Variants in ARL6 observed in about 807,000 individuals in gnomAD.
ARL6 encodes ARF like GTPase 6.
A neutral mutation model predicts 27.1 loss-of-function variants in ARL6; 18 were observed. The ratio of observed to expected loss-of-function variants is 0.66; its 90% CI spans 0.46 to 0.98. The LOEUF (loss-of-function observed/expected upper bound fraction) is 0.98, where lower values mean the gene tolerates loss of function less well. Among genes scored for constraint, ARL6 ranks in the 50% least tolerant of loss-of-function variants. The probability of loss-of-function intolerance (pLI) is 0.00; values close to 1 mark genes in which losing one functional copy is unlikely to be tolerated. For missense variants in ARL6, 187 were observed against 214.9 expected (o/e 0.87, Z 0.81); for synonymous variants, 65 against 72.3 (o/e 0.90, Z 0.51).
chr3:97,765,812 C>T (rs1415627930), intron 1 of ARL6, among the ~76,000 whole-genome samples: 5 of 152,210 alleles, frequency 3.3e-5, no homozygotes, highest in Admixed American at 6.5e-5. Context: ...AGTTGTGTCT[C>T]TCGCTGCACA....
chr3:97,787,150 G>A (rs2037497248), intron 5 of ARL6, among the ~76,000 whole-genome samples: 1 of 152,056 alleles, frequency 6.6e-6, no homozygotes, highest in African/African-American at 2.4e-5. Flanking sequence ...ATTGGTAACA[G>A]GTATCTCAGT....
chr3:97,764,703 A>T (rs1157542671), upstream of ARL6: 2 of 152,332 alleles, frequency 1.3e-5, no homozygotes, highest in Non-Finnish European at 2.9e-5. Context: ...ACCCCCGGGG[A>T]GGCGTGGCTT....
At chr3:97,776,266 G>A (rs917554345) in intron 2 of ARL6, among the ~76,000 whole-genome samples, 3 of 152,062 alleles carry the variant, frequency 2.0e-5, no homozygotes, top group Admixed American at 1.3e-4. Flanking sequence ...CTTGCTGTTT[G>A]TTGGTTTTCA....
At chr3:97,792,778 G>T (rs893713998) in intron 7 of ARL6, among the ~76,000 whole-genome samples, 5 of 152,124 alleles carry the variant, frequency 3.3e-5, no homozygotes, top group Non-Finnish European at 7.3e-5. Flanking sequence ...AAGCTCATAG[G>T]TTCTTATTGC....
At chr3:97,765,208 G>T (rs569875656) in intron 1 of ARL6, among the ~76,000 whole-genome samples, 286 of 60,596 alleles carry the variant, frequency 4.7e-3, no homozygotes, top group African/African-American at 0.016. Context: ...CCCGTGTATT[G>T]GGGGTGTGTG....
intron 2 of ARL6, 66 bp downstream of exon 2, chr3:97,768,296 T>C: frequency 2.6e-6 from 4 of 1,547,258 alleles, no homozygotes; most frequent in Non-Finnish European, 3.5e-6. Context: ...TGCAGAATTA[T>C]GTTATATGAC....
chr3:97,782,026 C>T (rs1307518222), intron 4 of ARL6, among the ~76,000 whole-genome samples: 2 of 151,464 alleles, frequency 1.3e-5, no homozygotes, highest in East Asian at 1.9e-4. Flanking sequence ...CTATTTAAAT[C>T]GTAGGTCCAG....
chr3:97,781,141 T>A (rs1436769363), intron 4 of ARL6, among the ~76,000 whole-genome samples: 1 of 152,190 alleles, frequency 6.6e-6, no homozygotes, highest in Non-Finnish European at 1.5e-5. Flanking sequence ...GAAGGGATTA[T>A]TTATTATTCA....
chr3:97,798,247 C>T lies in ARL6; in HGVS notation c.*198C>T. Reference sequence around the variant, plus strand: ...TAATTATTTAAAAACTAAATATTCCCTCAAAAGGGCTCCCTAGAATTATCA... The same window carrying T: ...TAATTATTTAAAAACTAAATATTCCTTCAAAAGGGCTCCCTAGAATTATCA... On this transcript the variant is annotated 3_prime_UTR_variant, in exon 8 of 8. Coordinates refer to ENST00000463745, the MANE Select transcript of ARL6 (RefSeq NM_001278293.3). 1 of 563,688 alleles carries T rather than the reference C, an allele frequency of 1.8e-6. No homozygotes were observed. Among genetic ancestry groups the T allele is most frequent in the Non-Finnish European group, 3.2e-6 (1 of 312,818 alleles). The allele number at this position is 563,688 out of a possible 1,614,324, so 34.9% of individuals were successfully genotyped here.
intron 7 of ARL6, among the ~76,000 whole-genome samples, 153 bp from the exon 8 acceptor site, chr3:97,797,871 A>G (rs961210930): frequency 3.4e-4 from 51 of 152,204 alleles, no homozygotes; most frequent in African/African-American, 9.9e-4. Context: ...AGCCTGGGCC[A>G]CATAGCAAGA....
chr3:97,780,631 T>G lies in ARL6; in HGVS notation c.202T>G (p.Phe68Val), dbSNP rs770377692. ...FKSSSLSFTVFDMSGQGRYRN... is the reference protein window; with the variant it reads ...FKSSSLSFTVVDMSGQGRYRN... ...TTTTTGTAGTTTGTCATTTACAGTG[T>G]TTGACATGTCAGGTCAAGGAAGATA... is the stretch of plus-strand genomic sequence containing the variant. Residue 68 changes from phenylalanine (F) to valine (V), a missense_variant, in exon 4 of 8, where the codon TTT (phenylalanine) becomes GTT (valine). By Grantham distance (50) the Phe-to-Val change is conservative (BLOSUM62 -1). Coordinates refer to ENST00000463745, the MANE Select transcript of ARL6 (RefSeq NM_001278293.3). 1.2e-6 allele frequency: 2 copies of G among 1,613,144 alleles called. No individual in the cohort carries two copies. Among genetic ancestry groups the G allele is most frequent in the Admixed American group, 3.3e-5 (2 of 60,012 alleles).
chr3:97,773,887 C>T (rs1292831065), intron 2 of ARL6, among the ~76,000 whole-genome samples: 1 of 152,150 alleles, frequency 6.6e-6, no homozygotes, highest in Non-Finnish European at 1.5e-5. Flanking sequence ...GCAGGTGCTG[C>T]TTTTGTTTGT....
chr3:97,790,102 G>T (rs980186262), intron 6 of ARL6, among the ~76,000 whole-genome samples: 4 of 146,080 alleles, frequency 2.7e-5, no homozygotes, highest in African/African-American at 7.6e-5. Flanking sequence ...CATGTTGTGT[G>T]TATGTATACT....
chr3:97,784,869 C>T, intron 4 of ARL6, 86 bp from the exon 5 acceptor site: 1 of 900,938 alleles, frequency 1.1e-6, no homozygotes, highest in Non-Finnish European at 1.8e-6. Flanking sequence ...GGAGATAATA[C>T]TTAGGTTAGG....
intron 5 of ARL6, among the ~76,000 whole-genome samples, chr3:97,787,033 G>A (rs1313649744): frequency 6.6e-6 from 1 of 152,082 alleles, no homozygotes; most frequent in Non-Finnish European, 1.5e-5. Flanking sequence ...TATGTCCTTT[G>A]ACCCAACAAT....
chr3:97,795,684 A>G (rs928175434), intron 7 of ARL6, among the ~76,000 whole-genome samples: 2 of 152,160 alleles, frequency 1.3e-5, no homozygotes, highest in African/African-American at 4.8e-5. Flanking sequence ...TGCAGATGCA[A>G]AGCCTCAGAA....
intron 5 of ARL6, among the ~76,000 whole-genome samples, chr3:97,787,736 C>T (rs1466160544): frequency 6.6e-6 from 1 of 152,026 alleles, no homozygotes; most frequent in Non-Finnish European, 1.5e-5. Flanking sequence ...TTATTGAGCT[C>T]CAGTCCCACC....
Position 97,780,307 on chromosome 3 carries a change from A to G in ARL6, c.185+87A>G. On this transcript the variant is annotated intron_variant, in intron 3 of 7. Coordinates refer to ENST00000463745, the MANE Select transcript of ARL6 (RefSeq NM_001278293.3). ...CTGGTCATTCTTCCTACCCTTAGATAAAGTAATTTGTTGTTTCAGAATCTC... is the reference window on the plus strand; with the variant it reads ...CTGGTCATTCTTCCTACCCTTAGATGAAGTAATTTGTTGTTTCAGAATCTC... 14 of 1,063,066 alleles carry G rather than the reference A, an allele frequency of 1.3e-5. No individual in the cohort carries two copies. In the South Asian group the frequency reaches 1.9e-4, roughly 14 times the overall value. 65.9% of individuals were successfully genotyped at this position (1,063,066 alleles called of 1,614,324 possible).
At chr3:97,779,408 G>T (rs1049169048) in intron 2 of ARL6, among the ~76,000 whole-genome samples, 7 of 152,162 alleles carry the variant, frequency 4.6e-5, no homozygotes, top group Middle Eastern at 3.4e-3. Flanking sequence ...CCACCTTCCA[G>T]CCCCTTTCTG....
Sources: gnomAD v4.1 joint callset for allele counts (sites outside exome capture counted in the v4.1 genomes callset) on GRCh38, gnomAD v4.1.1 for gene constraint, MANE v1.5 for transcripts, NCBI Gene and HGNC (gene_info 2026-07-23, HGNC 2026-07-21) for gene names.